Variants in TBCCD1 observed in about 807,000 individuals in gnomAD.
TBCCD1 encodes the protein TBCC domain containing 1, also known as TBCC domain-containing protein 1.
In TBCCD1, 26 loss-of-function variants were observed where a neutral mutation model predicts 53.4. The observed-to-expected ratio is 0.49, with a 90% CI of 0.36 to 0.68. The LOEUF is 0.68. Among genes scored for constraint, TBCCD1 ranks in the 30% least tolerant of loss-of-function variants. TBCCD1 has a pLI of 0.00. For synonymous variants in TBCCD1, 245 were observed against 241.7 expected, an observed-to-expected ratio of 1.01 and a Z score of -0.13; for missense variants, 558 against 669.5, an observed-to-expected ratio of 0.83 and a Z score of 1.84.
At chr3:186,555,678 C>T (rs1046654980) in intron 4 of TBCCD1, among the ~76,000 whole-genome samples, 2 of 152,248 alleles carry the variant, frequency 1.3e-5, no homozygotes, top group African/African-American at 2.4e-5. Flanking sequence ...CCTGCCTCAG[C>T]GTCCTGAGGA....
Position 186,555,154 on chromosome 3 carries a change from T to C in TBCCD1, c.860-70A>G, listed in dbSNP as rs944109942. ...AGAAAAACAAACAAACATATGAGGT[T>C]ACACGTCTACATGTATATATGTCTC... is the stretch of plus-strand genomic sequence containing the variant. On this transcript the variant is annotated intron_variant, in intron 4 of 7. Transcript: ENST00000338733. 23 of 1,421,658 alleles carry C rather than the reference T, an allele frequency of 1.6e-5. No homozygotes were observed. The African/African-American group carries it at 3.2e-4, about 19-fold the overall frequency. 88.1% of individuals were successfully genotyped at this position (1,421,658 alleles called of 1,614,324 possible). A position where few individuals can be genotyped will look rare whatever the true frequency, so the allele number is the denominator to read the frequency against.
chr3:186,548,298 A>G (rs1045901640), intron 7 of TBCCD1, among the ~76,000 whole-genome samples: 5 of 152,266 alleles, frequency 3.3e-5, no homozygotes, highest in Non-Finnish European at 7.3e-5. Context: ...TTCCATTTAC[A>G]TAAAATGTCC....
At chr3:186,551,673 A>G (rs1157573391) in intron 6 of TBCCD1, among the ~76,000 whole-genome samples, 1 of 152,156 alleles carries the variant, frequency 6.6e-6, no homozygotes, top group East Asian at 1.9e-4. Context: ...TAGGAAAGAT[A>G]GGTAAAAATA....
chr3:186,548,540 T>C (rs1714277594), intron 7 of TBCCD1, among the ~76,000 whole-genome samples: 1 of 152,240 alleles, frequency 6.6e-6, no homozygotes, highest in African/African-American at 2.4e-5. Context: ...TGTGGTAATA[T>C]TTTATCTCAA....
At chr3:186,556,906 T>C in intron 3 of TBCCD1, 131 bp from the exon 4 acceptor site, 1 of 1,167,358 alleles carries the variant, frequency 8.6e-7, no homozygotes, top group East Asian at 2.7e-5. Flanking sequence ...ATATAAACCT[T>C]ATAAAGGTGA....
intron 2 of TBCCD1, among the ~76,000 whole-genome samples, chr3:186,562,559 G>T (rs1271052989): frequency 6.6e-6 from 1 of 152,150 alleles, no homozygotes. Flanking sequence ...GATGGTCAAA[G>T]GCTACAAAGT....
intron 6 of TBCCD1, among the ~76,000 whole-genome samples, chr3:186,553,974 C>T (rs1868141): frequency 2.0e-5 from 3 of 151,940 alleles, no homozygotes; most frequent in East Asian, 3.9e-4. Context: ...CAGCCTCCCA[C>T]GTAGATGGAA....
intron 2 of TBCCD1, among the ~76,000 whole-genome samples, chr3:186,563,385 T>G (rs997093923): frequency 5.9e-5 from 9 of 152,218 alleles, no homozygotes; most frequent in South Asian, 4.1e-4. Context: ...TTAAATAGCA[T>G]CTTTTTTTAA....
chr3:186,553,850 A>G (rs894384307), intron 6 of TBCCD1, among the ~76,000 whole-genome samples: 14 of 151,172 alleles, frequency 9.3e-5, no homozygotes, highest in African/African-American at 3.2e-4. Flanking sequence ...AAAACACATT[A>G]CTTTTTTTTT....
chr3:186,554,779 T>A (rs761596731), intron 5 of TBCCD1, 28 bp from the exon 6 acceptor site: 1 of 1,598,742 alleles, frequency 6.3e-7, no homozygotes, highest in Non-Finnish European at 8.5e-7. Context: ...TGAGGTAAAG[T>A]CCTCTGAATA....
intron 4 of TBCCD1, among the ~76,000 whole-genome samples, chr3:186,556,050 A>G (rs7623621): frequency 0.046 from 7,049 of 152,156 alleles, 540 homozygotes; most frequent in African/African-American, 0.16. Context: ...CCGCTGAAAT[A>G]CTGGGAGGTC....
intron 4 of TBCCD1, 47 bp from the exon 5 acceptor site, chr3:186,555,131 A>G: frequency 6.5e-7 from 1 of 1,530,078 alleles, no homozygotes; most frequent in Non-Finnish European, 8.8e-7. Context: ...CAAATCAAAG[A>G]AAAACAAACA....
chr3:186,564,893 A>G (rs1001690576), intron 1 of TBCCD1, among the ~76,000 whole-genome samples: 2 of 152,194 alleles, frequency 1.3e-5, no homozygotes, highest in African/African-American at 4.8e-5. Flanking sequence ...ATAGATCAGG[A>G]GAAGTTACAG....
At position 186,564,069 on chromosome 3, in the gene TBCCD1, A is replaced by C; in HGVS notation, c.261T>G (p.Pro87=). ...CCTCAGACCATTCCAGGCGCTCCTC[A>C]GGTGTCTTCATTGAAAGACTATCAA... ...EIFDSLSMKT[P]EERLEWSEVL... Residue 87 remains proline (P), a synonymous_variant, in exon 2 of 8, where the codon CCT becomes CCG. Coordinates refer to ENST00000338733, the MANE Select transcript of TBCCD1 (RefSeq NM_018138.5). 1.2e-6 allele frequency: 2 copies of C among 1,614,178 alleles called. No individual in the cohort carries two copies. Among genetic ancestry groups the C allele is most frequent in the Non-Finnish European group, 1.7e-6 (2 of 1,180,042 alleles).
At chr3:186,570,010 G>C (rs886991164), upstream of TBCCD1, 7 of 586,674 alleles carry the variant, frequency 1.2e-5, no homozygotes, top group Non-Finnish European at 1.9e-5. Flanking sequence ...TTTTTTCCCT[G>C]TTAAAATTCA....
intron 2 of TBCCD1, among the ~76,000 whole-genome samples, chr3:186,561,489 C>T (rs1714687357): frequency 6.6e-6 from 1 of 152,180 alleles, no homozygotes; most frequent in Admixed American, 6.5e-5. Context: ...TAAACTGGTA[C>T]AGCCATTATA....
chr3:186,561,952 C>T (rs1024345813), intron 2 of TBCCD1, among the ~76,000 whole-genome samples: 5 of 152,104 alleles, frequency 3.3e-5, no homozygotes, highest in Admixed American at 2.0e-4. Flanking sequence ...TTGATAATGG[C>T]CAAGATATGG....
upstream of TBCCD1, chr3:186,570,459 C>A (rs1165683403): frequency 2.1e-6 from 1 of 482,360 alleles, no homozygotes; most frequent in African/African-American, 2.0e-5. Flanking sequence ...CTCACTCTGA[C>A]CGGCCCCCTA....
rs1714491362 is a variant in TBCCD1 at position 186,554,955 on chromosome 3, G to GC, written c.988dup (p.Ala330GlyfsTer25). ...GTTGCAACGATGAATCTTTACATGT[G>GC]CCCCCGCCAGAGTGTCTGAGCTCTT... is the stretch of plus-strand genomic sequence containing the variant. On this transcript the variant is annotated frameshift_variant, in exon 5 of 8. Transcript: ENST00000338733. LOFTEE classifies it high-confidence loss of function. 6.2e-7 allele frequency: 1 copy of GC among 1,613,648 alleles called. No individual in the cohort carries two copies. The highest frequency in any genetic ancestry group is 1.3e-5 in the African/African-American group (1 of 74,890).
Sources: gnomAD v4.1 joint callset for allele counts (sites outside exome capture counted in the v4.1 genomes callset) on GRCh38, gnomAD v4.1.1 for gene constraint, MANE v1.5 for transcripts, NCBI Gene and HGNC (gene_info 2026-07-23, HGNC 2026-07-21) for gene names.